Variants in DMD observed in about 807,000 individuals in gnomAD.
DMD encodes the protein dystrophin.
Under a neutral mutation model 330.1 loss-of-function variants are expected in DMD, and 63 were observed. The observed-to-expected ratio is 0.19, with a 90% CI of 0.16 to 0.24. The LOEUF (loss-of-function observed/expected upper bound fraction) is 0.24, where lower values mean the gene tolerates loss of function less well. Ranked by LOEUF, DMD falls within the 10% of genes least tolerant of loss-of-function variation. The probability of loss-of-function intolerance (pLI) is 1.00; values close to 1 mark genes in which losing one functional copy is unlikely to be tolerated. For missense variants in DMD, 3,344 were observed against 2,684.1 expected, an observed-to-expected ratio of 1.25 and a Z score of -5.43; for synonymous variants, 1,223 against 959.8, an observed-to-expected ratio of 1.27 and a Z score of -5.07.
chrX:32,803,300 G>T (rs1377111510), intron 7 of DMD, among the ~76,000 whole-genome samples: 1 of 111,322 alleles, frequency 9.0e-6, no homozygotes, highest in African/African-American at 3.3e-5. Flanking sequence ...ATTTCTGTGG[G>T]ATCAGTGGTG....
chrX:31,516,516 C>T (rs1202087163), intron 55 of DMD, among the ~76,000 whole-genome samples: 1 of 111,357 alleles, frequency 9.0e-6, no homozygotes, highest in Non-Finnish European at 1.9e-5. Flanking sequence ...GCAGAGTTGT[C>T]GTCCCAAGAG....
At chrX:32,447,864 TA>T (rs1336211040) in intron 27 of DMD, among the ~76,000 whole-genome samples, 2 of 111,475 alleles carry the variant, frequency 1.8e-5, no homozygotes, top group African/African-American at 6.5e-5. Flanking sequence ...CAGATAAGCA[TA>T]ATCTAGACAG....
At chrX:31,669,125 G>T (rs187046728) in intron 53 of DMD, among the ~76,000 whole-genome samples, 1 of 111,648 alleles carries the variant, frequency 9.0e-6, no homozygotes, top group Non-Finnish European at 1.9e-5. Context: ...ATATATACCC[G>T]GAAGTGGGAT....
At chrX:32,550,983 A>C (rs1220411674) in intron 16 of DMD, among the ~76,000 whole-genome samples, 2 of 111,023 alleles carry the variant, frequency 1.8e-5, no homozygotes, top group Non-Finnish European at 3.8e-5. Context: ...TCCGAAATTA[A>C]ATTAGGAACA....
chrX:33,066,487 A>C (rs1057008256), intron 1 of DMD, among the ~76,000 whole-genome samples: 31 of 107,881 alleles, frequency 2.9e-4, no homozygotes, highest in African/African-American at 1.0e-3. Flanking sequence ...GAAAAAGAAA[A>C]GAAAAAAAGG....
At chrX:31,442,879 C>T (rs1248392292) in intron 60 of DMD, among the ~76,000 whole-genome samples, 1 of 111,085 alleles carries the variant, frequency 9.0e-6, no homozygotes, top group African/African-American at 3.3e-5. Context: ...GTCGATGCCA[C>T]TTATAACAAT....
intron 17 of DMD, among the ~76,000 whole-genome samples, chrX:32,522,279 A>C (rs73453749): frequency 0.05 from 5,536 of 111,646 alleles, 309 homozygotes; most frequent in African/African-American, 0.17. Flanking sequence ...AAAATACCGC[A>C]ATAGCTTTTC....
At chrX:32,352,944 C>G (rs891554592) in intron 37 of DMD, among the ~76,000 whole-genome samples, 5 of 110,882 alleles carry the variant, frequency 4.5e-5, no homozygotes, top group Admixed American at 1.9e-4. Flanking sequence ...TTAAAGTTGG[C>G]AATATGTCTT....
chrX:31,460,871 C>G (rs930220179), intron 59 of DMD, among the ~76,000 whole-genome samples: 4 of 111,758 alleles, frequency 3.6e-5, no homozygotes, highest in African/African-American at 1.3e-4. Context: ...CGTGAGCCAC[C>G]ACGGCCGGCC....
intron 4 of DMD, among the ~76,000 whole-genome samples, chrX:32,840,846 G>A (rs1225007145): frequency 1.8e-5 from 2 of 111,977 alleles, no homozygotes; most frequent in Non-Finnish European, 3.8e-5. Flanking sequence ...AAATGAAACT[G>A]CTATGAACAT....
intron 44 of DMD, among the ~76,000 whole-genome samples, chrX:32,200,573 G>A (rs1025918156): frequency 2.7e-5 from 3 of 110,301 alleles, no homozygotes; most frequent in Non-Finnish European, 5.7e-5. Context: ...TGTAACATCA[G>A]TTACATATGT....
At chrX:32,473,134 C>T (rs922223269) in intron 21 of DMD, among the ~76,000 whole-genome samples, 12 of 111,103 alleles carry the variant, frequency 1.1e-4, no homozygotes, top group South Asian at 3.7e-4. Flanking sequence ...AGATTGAGAA[C>T]GCTGCAGAGA....
chrX:32,233,827 T>C (rs1220884770), intron 43 of DMD, among the ~76,000 whole-genome samples: 3 of 108,988 alleles, frequency 2.8e-5, no homozygotes, highest in Non-Finnish European at 5.7e-5. Context: ...AGAGGGTTTC[T>C]CCATGTTGCT....
rs73453832 is a variant in DMD at position 33,121,947 on chromosome X, C to A, written c.31+89335G>T. 1.7e-4 allele frequency among the ~76,000 whole-genome samples: 19 copies of A among 111,882 alleles called. No homozygotes were observed. The Admixed American group carries it at 1.8e-3, about 11-fold the overall frequency. ...TGATTCCAAAGGTGCTTAAATCAGC[C>A]GGCCATGGTGGTTCATGCCTGTAAT... On this transcript the variant is annotated intron_variant, in intron 1 of 78. Transcript: ENST00000357033.
In DMD at chrX:32,487,431, G is replaced by A. The variant is rs141788590; in HGVS notation, c.2623-2332C>T. ...AATTGAAATTTAAAAATTGGAACAT[G>A]AGCCCATTAGAAGAAAGAGAAAATG... On this transcript the variant is annotated intron_variant, in intron 20 of 78. Transcript: ENST00000357033. Among the ~76,000 whole-genome samples, 120 of 111,263 alleles carry A rather than the reference G, an allele frequency of 1.1e-3. 1 individual carries two copies. In the East Asian group the frequency reaches 0.027, roughly 25 times the overall value.
At chrX:32,324,623 A>C (rs756902357) in intron 41 of DMD, among the ~76,000 whole-genome samples, 1 of 111,573 alleles carries the variant, frequency 9.0e-6, no homozygotes, top group East Asian at 2.8e-4. Flanking sequence ...TATGCCCCAA[A>C]CAATTGGGTG....
chrX:31,344,028 A>T, intron 61 of DMD, among the ~76,000 whole-genome samples: 1 of 68,509 alleles, frequency 1.5e-5, no homozygotes, highest in African/African-American at 7.5e-5. Flanking sequence ...TGTCACACAG[A>T]TTGGAGTGCG....
intron 1 of DMD, among the ~76,000 whole-genome samples, chrX:33,045,938 A>G (rs145661514): frequency 9.0e-6 from 1 of 111,394 alleles, no homozygotes; most frequent in African/African-American, 3.3e-5. Flanking sequence ...TAATCAGGAC[A>G]CAGACACCCC....
chrX:32,062,224 T>C (rs1401605294), intron 44 of DMD, among the ~76,000 whole-genome samples: 1 of 110,779 alleles, frequency 9.0e-6, no homozygotes, highest in Non-Finnish European at 1.9e-5. Context: ...ATGAACATTA[T>C]GCACCCTCCA....
Sources: allele counts gnomAD v4.1 joint callset (sites outside exome capture counted in the v4.1 genomes callset), GRCh38; gene constraint gnomAD v4.1.1; transcripts MANE v1.5; gene names NCBI Gene and HGNC (gene_info 2026-07-23, HGNC 2026-07-21).